The following SLC5A1 variants were observed in gnomAD, a reference collection of about 807,000 sequenced individuals.
SLC5A1 encodes sodium/glucose cotransporter 1.
Under a neutral mutation model 73.5 loss-of-function variants are expected in SLC5A1, and 42 were observed. The observed-to-expected ratio is 0.57, with a 90% CI of 0.45 to 0.74. SLC5A1 has a LOEUF of 0.74. SLC5A1 is among the 30% of genes least tolerant of loss of function. SLC5A1 has a pLI of 0.00. For missense variants in SLC5A1, 634 were observed against 855.4 expected (o/e 0.74, Z 3.23); for synonymous variants, 300 against 317.4 (o/e 0.95, Z 0.58).
chr22:32,106,970 G>A (rs2094047268), intron 14 of SLC5A1, among the ~76,000 whole-genome samples: 1 of 152,022 alleles, frequency 6.6e-6, no homozygotes, highest in Non-Finnish European at 1.5e-5. Flanking sequence ...GAGATCATTT[G>A]GTCTTATCAT....
At chr22:32,067,191 T>C in intron 3 of SLC5A1, 152 bp downstream of exon 3, 1 of 648,010 alleles carries the variant, frequency 1.5e-6, no homozygotes, top group South Asian at 1.7e-5. Flanking sequence ...TTCAGGAGCC[T>C]CAGGGCCCTG....
intron 10 of SLC5A1, 67 bp from the exon 11 acceptor site, chr22:32,091,545 T>C (rs1040528143): frequency 1.7e-5 from 26 of 1,571,138 alleles, no homozygotes; most frequent in Non-Finnish European, 2.2e-5. Context: ...TGAGTCCTCA[T>C]ATATTTTTCA....
intron 2 of SLC5A1, among the ~76,000 whole-genome samples, chr22:32,060,078 C>T (rs1603109904): frequency 6.8e-6 from 1 of 147,326 alleles, no homozygotes; most frequent in South Asian, 2.2e-4. Context: ...TATATATATA[C>T]ACACATGTAT....
chr22:32,075,376 G>A (rs2149490096), intron 5 of SLC5A1, among the ~76,000 whole-genome samples: 1 of 152,140 alleles, frequency 6.6e-6, no homozygotes, highest in Non-Finnish European at 1.5e-5. Flanking sequence ...GTGCTTGGGT[G>A]GGATGAAGGC....
At chr22:32,051,055 A>G (rs1380081268) in intron 2 of SLC5A1, among the ~76,000 whole-genome samples, 1 of 152,218 alleles carries the variant, frequency 6.6e-6, no homozygotes, top group Non-Finnish European at 1.5e-5. Flanking sequence ...GGATATTGGC[A>G]GCAGAAATTA....
chr22:32,064,008 T>C (rs974573792), intron 2 of SLC5A1, among the ~76,000 whole-genome samples: 4 of 152,152 alleles, frequency 2.6e-5, no homozygotes, highest in Admixed American at 6.5e-5. Flanking sequence ...TAAAGGACAA[T>C]GTCCCTGTTT....
At chr22:32,075,193 T>A (rs1444619056) in intron 5 of SLC5A1, among the ~76,000 whole-genome samples, 1 of 151,532 alleles carries the variant, frequency 6.6e-6, no homozygotes, top group East Asian at 1.9e-4. Context: ...ATTACAGGTG[T>A]GAGCCACCAC....
At chr22:32,047,125 G>A (rs913379716) in intron 1 of SLC5A1, among the ~76,000 whole-genome samples, 1 of 152,186 alleles carries the variant, frequency 6.6e-6, no homozygotes, top group Non-Finnish European at 1.5e-5. Context: ...TAGGGAAGGA[G>A]GAGGTTTCCA....
At chr22:32,078,187 C>A (rs1323568012) in intron 5 of SLC5A1, among the ~76,000 whole-genome samples, 2 of 152,138 alleles carry the variant, frequency 1.3e-5, no homozygotes, top group Non-Finnish European at 2.9e-5. Context: ...CTCTGGTGGA[C>A]AAAAATCTCT....
chr22:32,086,174 T>C (rs1025690544), intron 9 of SLC5A1, 46 bp from the exon 10 acceptor site: 16 of 1,208,882 alleles, frequency 1.3e-5, no homozygotes, highest in Non-Finnish European at 2.0e-5. Flanking sequence ...TTTGGAAATA[T>C]TTCCCCAATG....
chr22:32,095,917 G>A (rs1228823146), intron 11 of SLC5A1, among the ~76,000 whole-genome samples: 2 of 152,084 alleles, frequency 1.3e-5, no homozygotes, highest in Admixed American at 1.3e-4. Context: ...TACTTCTCCC[G>A]TGATCTAGAC....
chr22:32,059,429 G>A, intron 2 of SLC5A1: 1 of 803,488 alleles, frequency 1.2e-6, no homozygotes, highest in East Asian at 1.3e-4. Flanking sequence ...TGAGGGAAGT[G>A]TTTTTATAGA....
chr22:32,093,095 A>G (rs543633286), intron 11 of SLC5A1, among the ~76,000 whole-genome samples: 4 of 152,212 alleles, frequency 2.6e-5, no homozygotes, highest in Non-Finnish European at 5.9e-5. Context: ...TTGGTTTGTC[A>G]AAGATTAGTT....
At chr22:32,088,336 C>CTT (rs5844962) in intron 10 of SLC5A1, among the ~76,000 whole-genome samples, 6,232 of 134,690 alleles carry the variant, frequency 0.046, 235 homozygotes, top group Non-Finnish European at 0.074. Context: ...TACTGCATTC[C>CTT]TTTTTTTTTT....
At position 32,106,293 on chromosome 22, in the gene SLC5A1, TG is replaced by T. The variant is rs2094045571; in HGVS notation, c.1771+1403del. ...ATGAGATGATATATCATTGTAGTTT[TG>T]ATTTGCATTTCTATGATTGATGATG... On this transcript the variant is annotated intron_variant, in intron 14 of 14. Transcript: ENST00000266088. Among the ~76,000 whole-genome samples, 2 of 152,260 alleles carry T rather than the reference TG, an allele frequency of 1.3e-5. 1 individual carries two copies. The highest frequency in any genetic ancestry group is 4.1e-4 in the South Asian group (2 of 4,832).
intron 10 of SLC5A1, among the ~76,000 whole-genome samples, chr22:32,088,263 A>G (rs2094011351): frequency 1.3e-5 from 2 of 152,060 alleles, no homozygotes; most frequent in Non-Finnish European, 2.9e-5. Context: ...TGCAGAATAA[A>G]ATGCCGTGCT....
At chr22:32,109,038 T>G (rs1179295947) in intron 14 of SLC5A1, among the ~76,000 whole-genome samples, 1 of 152,096 alleles carries the variant, frequency 6.6e-6, no homozygotes, top group Admixed American at 6.6e-5. Context: ...CATGGTGGCA[T>G]GCACCTTTAG....
In SLC5A1 at chr22:32,047,926, C is replaced by T. The variant is rs147975210; in HGVS notation, c.136-2017C>T. ...CTGTAATCCCAGCACTTTCGGAAGC[C>T]GAGGCGGGCAGATCACCTGAGATCA... is the stretch of plus-strand genomic sequence containing the variant. On this transcript the variant is annotated intron_variant, in intron 1 of 14. Coordinates refer to ENST00000266088, the MANE Select transcript of SLC5A1 (RefSeq NM_000343.4). 1.0e-2 allele frequency among the ~76,000 whole-genome samples: 1,517 copies of T among 152,028 alleles called. 26 individuals are homozygous for T. The highest frequency in any genetic ancestry group is 0.029 in the African/African-American group (1,210 of 41,446).
chr22:32,107,148 A>G (rs1178527108), intron 14 of SLC5A1, among the ~76,000 whole-genome samples: 1 of 152,186 alleles, frequency 6.6e-6, no homozygotes, highest in Non-Finnish European at 1.5e-5. Context: ...ATGGTGCTGA[A>G]AACAGCCCCT....
Sources: allele counts gnomAD v4.1 joint callset (sites outside exome capture counted in the v4.1 genomes callset), GRCh38; gene constraint gnomAD v4.1.1; transcripts MANE v1.5; gene names NCBI Gene and HGNC (gene_info 2026-07-23, HGNC 2026-07-21).